Variants in ABCA8 observed in about 807,000 individuals in gnomAD.
The protein encoded by ABCA8 is ATP binding cassette subfamily A member 8.
ABCA8 carries 177 observed loss-of-function variants against 192.3 expected under a neutral mutation model. That is an observed-to-expected ratio of 0.92 (90% CI 0.81 to 1.04). The LOEUF (loss-of-function observed/expected upper bound fraction) is 1.04. Among genes scored for constraint, ABCA8 ranks in the 50% least tolerant of loss-of-function variants. The probability of loss-of-function intolerance (pLI) is 0.00; values close to 1 mark genes in which losing one functional copy is unlikely to be tolerated. For synonymous variants in ABCA8, 642 were observed against 690.2 expected (o/e 0.93, Z 1.09); for missense variants, 1,915 against 1,904.8 (o/e 1.01, Z -0.10).
At chr17:68,908,737 T>C (rs2067157471) in intron 17 of ABCA8, among the ~76,000 whole-genome samples, 1 of 152,230 alleles carries the variant, frequency 6.6e-6, no homozygotes. Context: ...TAATTGAGGT[T>C]ATAAATTATA....
chr17:68,916,996 G>A (rs1171259223), intron 17 of ABCA8, among the ~76,000 whole-genome samples: 5 of 152,130 alleles, frequency 3.3e-5, no homozygotes, highest in African/African-American at 1.2e-4. Flanking sequence ...TTGGCCGGGC[G>A]CGGTGGCTCA....
chr17:68,891,621 A>G (rs1357723303), intron 23 of ABCA8, 25 bp from the exon 24 acceptor site: 1 of 1,511,104 alleles, frequency 6.6e-7, no homozygotes, highest in Admixed American at 1.8e-5. Context: ...GAATACAATG[A>G]ACTGAATGAA....
Position 68,921,402 on chromosome 17 carries a change from C to T in ABCA8, c.1592G>A (p.Gly531Glu). The T allele has an allele frequency of 6.2e-7, 1 of 1,608,862 alleles. No homozygotes were observed. Among genetic ancestry groups the T allele is most frequent in the African/African-American group, 1.3e-5 (1 of 74,846 alleles). ...GKSTLLNILS[G>E]LSVPTKGSVT... ...TGTACCTTTGGTGGGAACAGACAAC[C>T]CACTAAGAATGTTTAGCAGTGTTGA... The change falls in exon 13 of 40, where the codon GGG becomes GAG. Residue 531 changes from glycine (G) to glutamate (E), a missense_variant. By Grantham distance (98) the Gly-to-Glu change is moderately conservative. Coordinates refer to ENST00000586539, the MANE Select transcript of ABCA8 (RefSeq NM_001288985.2).
rs775569557 is a variant in ABCA8 at position 68,907,868 on chromosome 17, T to C, written c.2150A>G (p.Asn717Ser). 3.8e-6 allele frequency: 6 copies of C among 1,576,104 alleles called. No homozygotes were observed. Among genetic ancestry groups the C allele is most frequent in the Non-Finnish European group, 5.1e-6 (6 of 1,167,540 alleles). The change falls in exon 18 of 40, where the codon AAT becomes AGT. Residue 717 changes from asparagine to serine, a missense_variant. Coordinates refer to ENST00000586539, the MANE Select transcript of ABCA8 (RefSeq NM_001288985.2). ...TATGTTTTCCTCAACACATATTTCA[T>C]TTAACTGCAAGCTGGCATTCAGAAA... ...GIGYHLSLQL[N>S]EICVEENITS...
intron 38 of ABCA8, 23 bp from the exon 39 acceptor site, chr17:68,868,379 T>C (rs1417308983): frequency 6.3e-7 from 1 of 1,585,266 alleles, no homozygotes; most frequent in Admixed American, 1.7e-5. Context: ...GAACATGTAT[T>C]AGTTCATATA....
intron 20 of ABCA8, 60 bp from the exon 21 acceptor site, chr17:68,902,939 G>T: frequency 1.4e-6 from 2 of 1,412,272 alleles, no homozygotes; most frequent in Non-Finnish European, 9.7e-7. Context: ...AATACTCTCT[G>T]AGCAGTTTAT....
At chr17:68,886,361 C>G (rs2066460984) in intron 26 of ABCA8, among the ~76,000 whole-genome samples, 2 of 152,266 alleles carry the variant, frequency 1.3e-5, no homozygotes, top group South Asian at 4.2e-4. Context: ...ATTACCAGTT[C>G]CTAGGATCAG....
chr17:68,928,144 A>G, intron 9 of ABCA8, 81 bp from the exon 10 acceptor site: 1 of 1,131,876 alleles, frequency 8.8e-7, no homozygotes, highest in Non-Finnish European at 1.2e-6. Flanking sequence ...TAGTAATGAA[A>G]TGACTACTTA....
At position 68,918,539 on chromosome 17, in the gene ABCA8, C is replaced by G; in HGVS notation, c.1796G>C (p.Arg599Thr). 6.7e-7 allele frequency: 1 copy of G among 1,499,078 alleles called. No individual in the cohort carries two copies. Among genetic ancestry groups the G allele is most frequent in the Non-Finnish European group, 8.8e-7 (1 of 1,135,202 alleles). The allele number at this position is 1,499,078 out of a possible 1,614,324, so 92.9% of individuals were successfully genotyped here. A position where few individuals can be genotyped will look rare whatever the true frequency, so the allele number is the denominator to read the frequency against. The change falls in exon 15 of 40, where the codon AGG becomes ACG. Residue 599 changes from arginine to threonine, a missense_variant. Coordinates refer to ENST00000586539, the MANE Select transcript of ABCA8 (RefSeq NM_001288985.2). ...LPQEVDKEIQ[R>T]VLLELEMKNI... ...TTTCATTTCCAATTCCAGCAGAACC[C>G]TTTGTATCTAACCAAAAGACAGTAT... is the stretch of plus-strand genomic sequence containing the variant.
At position 68,910,063 on chromosome 17, in the gene ABCA8, G is replaced by A. The variant is rs572866053; in HGVS notation, c.2139-2184C>T. On this transcript the variant is annotated intron_variant, in intron 17 of 39. Coordinates refer to ENST00000586539, the MANE Select transcript of ABCA8 (RefSeq NM_001288985.2). ...TTAAACAATAGAAGATTTAGGAGGG[G>A]AGGTAGAGCAAGGTGGCCAGATAGA... Among the ~76,000 whole-genome samples, 70 of 152,282 alleles carry A rather than the reference G, an allele frequency of 4.6e-4. 1 individual carries two copies. The highest frequency in any genetic ancestry group is 1.0e-4 in the Non-Finnish European group (7 of 68,012).
rs377058710 is a variant in ABCA8, at chr17:68,941,870, A to G, written c.96+69T>C. 8 of 1,108,086 alleles carry G rather than the reference A, an allele frequency of 7.2e-6. No individual in the cohort carries two copies. In the African/African-American group the frequency reaches 9.4e-5, roughly 13 times the overall value. The allele number at this position is 1,108,086 out of a possible 1,614,324, so 68.6% of individuals were successfully genotyped here. On this transcript the variant is annotated intron_variant, in intron 3 of 39. Coordinates refer to ENST00000586539, the MANE Select transcript of ABCA8 (RefSeq NM_001288985.2). Reference sequence around the variant, plus strand: ...ATGTGTCGGGGGAGATACACATGGCATAGATAACTCCCAGGCAACACGTAT... The same window carrying G: ...ATGTGTCGGGGGAGATACACATGGCGTAGATAACTCCCAGGCAACACGTAT...
chr17:68,902,671 G>A (rs1327556726), intron 21 of ABCA8, 42 bp downstream of exon 21: 19 of 1,550,712 alleles, frequency 1.2e-5, no homozygotes, highest in Admixed American at 5.1e-5. Flanking sequence ...GTACTGCTCT[G>A]AACAGTAAAT....
intron 21 of ABCA8, among the ~76,000 whole-genome samples, chr17:68,900,515 A>C (rs1428635419): frequency 6.7e-6 from 1 of 148,458 alleles, no homozygotes; most frequent in Non-Finnish European, 1.5e-5. Flanking sequence ...ATAAACAAAA[A>C]TTGTCAATCC....
Position 68,907,879 on chromosome 17 carries a change from G to C in ABCA8, c.2139C>G (p.Ser713Arg). The C allele has an allele frequency of 6.5e-7, 1 of 1,543,776 alleles. No homozygotes were observed. Among genetic ancestry groups the C allele is most frequent in the South Asian group, 1.3e-5 (1 of 78,720 alleles). Residue 713 changes from serine to arginine, a missense_variant and splice_region_variant, in exon 18 of 40, where the codon AGC (serine) becomes AGG (arginine). By Grantham distance (110) the Ser-to-Arg change is moderately radical. Coordinates refer to ENST00000586539, the MANE Select transcript of ABCA8 (RefSeq NM_001288985.2). ...KKKWGIGYHL[S>R]LQLNEICVEE... ...CAACACATATTTCATTTAACTGCAA[G>C]CTGGCATTCAGAAAAAAAAAAAAAG...
Position 68,942,011 on chromosome 17 carries a change from C to A in ABCA8, c.24G>T (p.Val8=). The change falls in exon 3 of 40, where the codon GTG becomes GTT. Residue 8 remains valine (V), a synonymous_variant. Coordinates refer to ENST00000586539, the MANE Select transcript of ABCA8 (RefSeq NM_001288985.2). MRKRKIS[V]CQQTWALLCK... ...ATAATAAGGCCCAAGTTTGTTGACA[C>A]ACACTGATCTTTCTCTTCCTCATCT... 1.2e-6 allele frequency: 2 copies of A among 1,612,568 alleles called. No homozygotes were observed. The highest frequency in any genetic ancestry group is 8.5e-7 in the Non-Finnish European group (1 of 1,179,152).
rs201481801 is a variant in ABCA8 at position 68,918,123 on chromosome 17, G to T, written c.1971C>A (p.Asn657Lys). The T allele has an allele frequency of 3.1e-6, 5 of 1,614,156 alleles. No individual in the cohort carries two copies. The highest frequency in any genetic ancestry group is 1.6e-4 in the Middle Eastern group (1 of 6,062). ...GGTCTGTTTTGCGTTCTTTCAGAAG[G>T]TTCCATACTTGGTGTCTTGAAAAGG... The part of the protein sequence containing the change: ...LDPFSRHQVW[N>K]LLKERKTDRV... The change falls in exon 16 of 40, where the codon AAC becomes AAA. Residue 657 changes from asparagine to lysine, a missense_variant. Physicochemically the swap from Asn to Lys is moderately conservative, Grantham distance 94. Transcript: ENST00000586539.
rs2066347035 is a variant in ABCA8 at position 68,881,946 on chromosome 17, T to A, written c.3863A>T (p.Glu1288Val). ...ACAGCCTTTCCTCTTCCCTGCATACTCCTTGCGTAGACAGCTGGCAATGAT... is the reference window on the plus strand; with the variant it reads ...ACAGCCTTTCCTCTTCCCTGCATACACCTTGCGTAGACAGCTGGCAATGAT... ...PVIIASCLRK[E>V]YAGKRKGCFS... The change falls in exon 31 of 40, where the codon GAG becomes GTG. Residue 1288 changes from glutamate (E) to valine (V), a missense_variant. Glu to Val is a moderately radical substitution (Grantham distance 121, BLOSUM62 -2). Transcript: ENST00000586539. 7 of 1,614,130 alleles carry A rather than the reference T, an allele frequency of 4.3e-6. No homozygotes were observed. Among genetic ancestry groups the A allele is most frequent in the Non-Finnish European group, 5.9e-6 (7 of 1,179,974 alleles).
intron 2 of ABCA8, among the ~76,000 whole-genome samples, chr17:68,947,372 G>T (rs1186951561): frequency 6.6e-6 from 1 of 152,134 alleles, no homozygotes; most frequent in East Asian, 1.9e-4. Context: ...TTTTACTTGG[G>T]ATTGTGTATA....
rs759496279 is a variant in ABCA8, at chr17:68,882,655, C to T, written c.3772G>A (p.Val1258Ile). The change falls in exon 30 of 40, where the codon GTT (valine) becomes ATT (isoleucine). Residue 1258 changes from valine to isoleucine, a missense_variant. By Grantham distance (29) the Val-to-Ile change is conservative. Coordinates refer to ENST00000586539, the MANE Select transcript of ABCA8 (RefSeq NM_001288985.2). ...GCTGTTCTCACTCTTTCCATCTGAA[C>T]ATCTTCATCCTCTCCTTCTGGTTCT... ...PEEPEGEDED[V>I]QMERVRTANA... The T allele has an allele frequency of 2.5e-6, 4 of 1,612,816 alleles. No individual in the cohort carries two copies. Among genetic ancestry groups the T allele is most frequent in the African/African-American group, 2.7e-5 (2 of 74,914 alleles).
Sources: allele counts gnomAD v4.1 joint callset (sites outside exome capture counted in the v4.1 genomes callset), GRCh38; gene constraint gnomAD v4.1.1; transcripts MANE v1.5; gene names NCBI Gene and HGNC (gene_info 2026-07-23, HGNC 2026-07-21).